Variants in RGS5 observed in about 807,000 individuals in gnomAD.
RGS5 encodes regulator of G-protein signalling 5.
In RGS5, 20 loss-of-function variants were observed where a neutral mutation model predicts 18.9. That is an observed-to-expected ratio of 1.06 (90% confidence interval 0.74 to 1.54). RGS5 has a LOEUF of 1.54. RGS5 is among the 40% of genes most tolerant of loss of function. RGS5 has a pLI of 0.00. For missense variants in RGS5, 201 were observed against 211.8 expected (o/e 0.95, Z 0.32); for synonymous variants, 57 against 76.2 (o/e 0.75, Z 1.31).
rs911141817 is a variant in RGS5 at position 163,252,841 on chromosome 1, C to T, written c.-281+53392G>A. Among the ~76,000 whole-genome samples, 3 of 152,092 alleles carry T rather than the reference C, an allele frequency of 2.0e-5. No homozygotes were observed. In the South Asian group the frequency reaches 6.2e-4, roughly 32 times the overall value. ...GATGGCCACTAGACATGGATTCTAGCCTTGGATTTACCATTAATTGTTTGT... is the reference window on the plus strand; with the variant it reads ...GATGGCCACTAGACATGGATTCTAGTCTTGGATTTACCATTAATTGTTTGT... On this transcript the variant is annotated intron_variant, in intron 2 of 5. Transcript: ENST00000618415.
At chr1:163,174,729 C>T (rs192470371) in intron 1 of RGS5, among the ~76,000 whole-genome samples, 2 of 152,182 alleles carry the variant, frequency 1.3e-5, no homozygotes, top group Non-Finnish European at 1.5e-5. Context: ...AATTATAAGA[C>T]CATAATTTTT....
intron 2 of RGS5, among the ~76,000 whole-genome samples, chr1:163,279,994 C>G (rs1648950691): frequency 6.6e-6 from 1 of 151,810 alleles, no homozygotes; most frequent in Admixed American, 6.6e-5. Flanking sequence ...TAATGAATAA[C>G]AAAGTTGAAT....
intron 1 of RGS5, among the ~76,000 whole-genome samples, chr1:163,201,173 A>G (rs888491649): frequency 2.0e-5 from 3 of 152,194 alleles, no homozygotes; most frequent in Non-Finnish European, 4.4e-5. Flanking sequence ...TTCAAACAAT[A>G]AGTATGCTAA....
At chr1:163,222,339 C>T (rs951597266), upstream of RGS5, among the ~76,000 whole-genome samples, 3 of 152,126 alleles carry the variant, frequency 2.0e-5, no homozygotes, top group South Asian at 6.2e-4. Flanking sequence ...TTATGATAAT[C>T]TAATGCCTGA....
chr1:163,290,092 CT>C (rs1405552731), intron 2 of RGS5, among the ~76,000 whole-genome samples: 5 of 152,168 alleles, frequency 3.3e-5, no homozygotes, highest in Non-Finnish European at 7.3e-5. Flanking sequence ...TAGCCAGCTT[CT>C]TTGTACGCTA....
intron 2 of RGS5, among the ~76,000 whole-genome samples, chr1:163,236,479 C>T (rs146537702): frequency 5.3e-5 from 8 of 152,220 alleles, no homozygotes; most frequent in South Asian, 2.1e-4. Context: ...ATGGCAGCCC[C>T]TAAAATCGCA....
At chr1:163,160,915 C>T (rs1180463890) in intron 3 of RGS5, among the ~76,000 whole-genome samples, 1 of 152,112 alleles carries the variant, frequency 6.6e-6, no homozygotes, top group Non-Finnish European at 1.5e-5. Context: ...AAATTATCTA[C>T]ATGAAAAAGA....
At chr1:163,235,328 C>A (rs1206687481) in intron 2 of RGS5, among the ~76,000 whole-genome samples, 1 of 152,174 alleles carries the variant, frequency 6.6e-6, no homozygotes, top group Non-Finnish European at 1.5e-5. Flanking sequence ...AAAATGACAT[C>A]ATCTCCTCCA....
intron 2 of RGS5, among the ~76,000 whole-genome samples, chr1:163,290,542 G>A (rs1649255957): frequency 6.6e-6 from 1 of 151,826 alleles, no homozygotes; most frequent in Admixed American, 6.6e-5. Context: ...GTTGCCAGCA[G>A]GGGTTTATTT....
At chr1:163,286,132 C>T (rs1649141858) in intron 2 of RGS5, among the ~76,000 whole-genome samples, 1 of 151,872 alleles carries the variant, frequency 6.6e-6, no homozygotes, top group African/African-American at 2.4e-5. Flanking sequence ...AAAAAAAACC[C>T]CCAATAAAAC....
intron 2 of RGS5, among the ~76,000 whole-genome samples, chr1:163,259,239 A>G (rs896931467): frequency 6.6e-6 from 1 of 151,616 alleles, no homozygotes; most frequent in East Asian, 2.0e-4. Flanking sequence ...GCAAGCTCCA[A>G]CTTCCGGGTT....
At chr1:163,253,018 C>T (rs568091292) in intron 2 of RGS5, among the ~76,000 whole-genome samples, 4 of 152,212 alleles carry the variant, frequency 2.6e-5, no homozygotes, top group Admixed American at 6.5e-5. Context: ...GAAAGTGTTG[C>T]AGGATACTGA....
At chr1:163,313,171 T>C (rs1649920571) in intron 1 of RGS5, among the ~76,000 whole-genome samples, 1 of 152,216 alleles carries the variant, frequency 6.6e-6, no homozygotes, top group Admixed American at 6.5e-5. Flanking sequence ...GTCTGGTTTA[T>C]TCTAAAGAAA....
intron 1 of RGS5, among the ~76,000 whole-genome samples, chr1:163,316,916 T>G (rs969215021): frequency 3.3e-5 from 5 of 152,206 alleles, no homozygotes; most frequent in Non-Finnish European, 7.3e-5. Flanking sequence ...AGTGTGCAGT[T>G]TGTACCAGGC....
chr1:163,171,238 T>C (rs1296390509), intron 1 of RGS5, among the ~76,000 whole-genome samples: 3 of 152,066 alleles, frequency 2.0e-5, no homozygotes, highest in Non-Finnish European at 2.9e-5. Flanking sequence ...AAACATTAAG[T>C]GGGGAGGAGA....
At chr1:163,230,980 A>G (rs193084188) in intron 2 of RGS5, among the ~76,000 whole-genome samples, 1 of 152,270 alleles carries the variant, frequency 6.6e-6, no homozygotes, top group Non-Finnish European at 1.5e-5. Context: ...GCAACACTAG[A>G]CTTTAAATGG....
At chr1:163,211,196 A>C (rs1047870135) in intron 1 of RGS5, 3 of 152,194 alleles carry the variant, frequency 2.0e-5, no homozygotes, top group African/African-American at 7.2e-5. Flanking sequence ...TAAAGCAATG[A>C]GCAAAGATTT....
At chr1:163,300,949 A>C (rs1649537141) in intron 2 of RGS5, among the ~76,000 whole-genome samples, 1 of 152,182 alleles carries the variant, frequency 6.6e-6, no homozygotes, top group Non-Finnish European at 1.5e-5. Context: ...CATAGGAATA[A>C]GTTTGAAAGC....
At position 163,215,709 on chromosome 1, in the gene RGS5, T is replaced by C. The variant is rs1453550575; in HGVS notation, c.69+1817A>G. 2.0e-5 allele frequency among the ~76,000 whole-genome samples: 3 copies of C among 152,238 alleles called. No homozygotes were observed. The East Asian group carries it at 5.8e-4, about 29-fold the overall frequency. ...AAATAAATTGAAATCTCTTCTCCAG[T>C]CTTCTTTCCCCCAGTTTCCTAAGGG... On this transcript the variant is annotated intron_variant, in intron 1 of 5. Coordinates refer to the RGS5 transcript ENST00000367903.
Sources: gnomAD v4.1 joint callset for allele counts (sites outside exome capture counted in the v4.1 genomes callset) on GRCh38, gnomAD v4.1.1 for gene constraint, MANE v1.5 for transcripts, NCBI Gene and HGNC (gene_info 2026-07-23, HGNC 2026-07-21) for gene names.